DMD: variants seen among roughly 807,000 people sequenced by gnomAD.
DMD encodes the protein dystrophin, also known as mutant dystrophin.
DMD carries 63 observed loss-of-function variants against 330.1 expected under a neutral mutation model. That is an observed-to-expected ratio of 0.19 (90% CI 0.16 to 0.24). The LOEUF (loss-of-function observed/expected upper bound fraction) is 0.24. DMD is among the 10% of genes least tolerant of loss of function. DMD has a pLI of 1.00. For synonymous variants in DMD, 1,223 were observed against 959.8 expected, an observed-to-expected ratio of 1.27 and a Z score of -5.07; for missense variants, 3,344 against 2,684.1, an observed-to-expected ratio of 1.25 and a Z score of -5.43.
intron 2 of DMD, among the ~76,000 whole-genome samples, chrX:32,940,676 G>C (rs917122976): frequency 8.9e-6 from 1 of 111,741 alleles, no homozygotes; most frequent in Non-Finnish European, 1.9e-5. Flanking sequence ...AGATTTAAAT[G>C]TAAGACCTCA....
At chrX:32,842,209 G>A (rs1291699978) in intron 4 of DMD, among the ~76,000 whole-genome samples, 5 of 111,970 alleles carry the variant, frequency 4.5e-5, no homozygotes, top group African/African-American at 9.7e-5. Flanking sequence ...GACAATCAGC[G>A]AAACGGACAA....
intron 11 of DMD, among the ~76,000 whole-genome samples, chrX:32,635,357 G>C (rs762495418): frequency 9.0e-6 from 1 of 111,409 alleles, no homozygotes; most frequent in Non-Finnish European, 1.9e-5. Flanking sequence ...TTTCTAGTGT[G>C]GACAGTTGTT....
intron 51 of DMD, among the ~76,000 whole-genome samples, chrX:31,745,719 T>C (rs2087773068): frequency 8.9e-6 from 1 of 112,003 alleles, no homozygotes; most frequent in South Asian, 3.7e-4. Context: ...ATATTATATT[T>C]TACTATATAG....
intron 4 of DMD, 49 bp downstream of exon 4, chrX:32,844,734 G>A: frequency 1.9e-6 from 2 of 1,066,669 alleles, no homozygotes; most frequent in Non-Finnish European, 2.6e-6. Context: ...ACTCAAACAT[G>A]AAGCATGCTG....
chrX:32,164,671 G>A (rs993052814), intron 44 of DMD, among the ~76,000 whole-genome samples: 1 of 111,621 alleles, frequency 9.0e-6, no homozygotes, highest in Non-Finnish European at 1.9e-5. Flanking sequence ...TTAACAAGGA[G>A]CCCAATGTTA....
At chrX:31,622,570 G>C (rs1242055097) in intron 55 of DMD, among the ~76,000 whole-genome samples, 1 of 109,831 alleles carries the variant, frequency 9.1e-6, no homozygotes, top group Admixed American at 9.8e-5. Flanking sequence ...TGTCATCAGA[G>C]CTCTGTCTCT....
intron 27 of DMD, 31 bp downstream of exon 27, chrX:32,448,425 T>A (rs1193309942): frequency 8.3e-7 from 1 of 1,198,973 alleles, no homozygotes; most frequent in East Asian, 3.0e-5. Flanking sequence ...TATTGACATA[T>A]CATTGACAAA....
intron 1 of DMD, among the ~76,000 whole-genome samples, chrX:33,119,661 C>A (rs1042500516): frequency 4.5e-5 from 5 of 111,052 alleles, no homozygotes; most frequent in African/African-American, 1.6e-4. Context: ...AGATATTGGA[C>A]GCATCAGAGC....
At chrX:31,368,837 G>A (rs1249960964) in intron 60 of DMD, among the ~76,000 whole-genome samples, 3 of 110,811 alleles carry the variant, frequency 2.7e-5, no homozygotes, top group Non-Finnish European at 3.8e-5. Flanking sequence ...GTAGAGACAG[G>A]GTTTCACCAT....
chrX:33,237,963 G>T (rs1054378258), intron 1 of DMD, among the ~76,000 whole-genome samples: 1 of 112,120 alleles, frequency 8.9e-6, no homozygotes, highest in Non-Finnish European at 1.9e-5. Context: ...TGCCAAAAGG[G>T]ATTCATAGCT....
chrX:32,849,108 G>C (rs766198322), intron 3 of DMD, among the ~76,000 whole-genome samples: 3 of 111,385 alleles, frequency 2.7e-5, no homozygotes, highest in Non-Finnish European at 5.7e-5. Flanking sequence ...TAGACTGGGG[G>C]CTTAAACTCT....
chrX:32,736,480 G>A (rs1177020206), intron 7 of DMD, among the ~76,000 whole-genome samples: 6 of 110,075 alleles, frequency 5.5e-5, no homozygotes, highest in African/African-American at 1.3e-4. Flanking sequence ...TGTTTATTGC[G>A]GCATTATTCA....
chrX:31,716,261 T>G (rs1189542622), intron 52 of DMD, among the ~76,000 whole-genome samples: 1 of 112,517 alleles, frequency 8.9e-6, no homozygotes, highest in East Asian at 2.8e-4. Flanking sequence ...TTTAAAAACA[T>G]GTGTTAGCGG....
chrX:32,087,138 G>T (rs985669696), intron 44 of DMD, among the ~76,000 whole-genome samples: 5 of 111,589 alleles, frequency 4.5e-5, no homozygotes, highest in Admixed American at 1.9e-4. Context: ...CAAAATTTTC[G>T]AGCATGAAAA....
intron 43 of DMD, among the ~76,000 whole-genome samples, chrX:32,272,761 C>A (rs992665741): frequency 3.6e-5 from 4 of 111,781 alleles, no homozygotes; most frequent in Non-Finnish European, 5.6e-5. Flanking sequence ...CATAGGTGTG[C>A]CTAAAAATAA....
intron 7 of DMD, among the ~76,000 whole-genome samples, chrX:32,735,743 C>T (rs1336499075): frequency 6.3e-5 from 7 of 111,831 alleles, no homozygotes; most frequent in African/African-American, 2.0e-4. Context: ...ATCCCTTCCT[C>T]ACACCTTATA....
chrX:31,449,224 T>A (rs1464043331), intron 59 of DMD, among the ~76,000 whole-genome samples: 1 of 111,417 alleles, frequency 9.0e-6, no homozygotes, highest in Non-Finnish European at 1.9e-5. Flanking sequence ...CAGTGCCTGG[T>A]GTGCAATGAA....
At chrX:32,323,476 A>G (rs1463220669) in intron 41 of DMD, among the ~76,000 whole-genome samples, 1 of 111,843 alleles carries the variant, frequency 8.9e-6, no homozygotes, top group Non-Finnish European at 1.9e-5. Context: ...CTAGTATGTG[A>G]TACTACAAGT....
At chrX:31,380,369 C>T (rs1317002729) in intron 60 of DMD, among the ~76,000 whole-genome samples, 1 of 109,849 alleles carries the variant, frequency 9.1e-6, no homozygotes, top group Non-Finnish European at 1.9e-5. Flanking sequence ...CACATCTCCC[C>T]TTGTATCTCC....
Sources: gnomAD v4.1 joint callset for allele counts (sites outside exome capture counted in the v4.1 genomes callset) on GRCh38, gnomAD v4.1.1 for gene constraint, MANE v1.5 for transcripts, NCBI Gene and HGNC (gene_info 2026-07-23, HGNC 2026-07-21) for gene names.